CAST: variants seen among roughly 807,000 people sequenced by gnomAD.
CAST encodes the protein MIR583 host.
Under a neutral mutation model 119.6 loss-of-function variants are expected in CAST, and 76 were observed. That is an observed-to-expected ratio of 0.64 (90% confidence interval 0.53 to 0.77). The LOEUF is 0.77. Among genes scored for constraint, CAST ranks in the 30% least tolerant of loss-of-function variants. CAST has a pLI of 0.00. For synonymous variants in CAST, 319 were observed against 331.6 expected (o/e 0.96, Z 0.41); for missense variants, 953 against 946.5 (o/e 1.01, Z -0.09).
At chr5:96,227,880 G>C in the CAST span, among the ~76,000 whole-genome samples, 1 of 152,034 alleles carries the variant, frequency 6.6e-6, no homozygotes, top group Non-Finnish European at 1.5e-5. Context: ...CTAAGTTTTG[G>C]CCAACAATGT....
intron 1 of CAST, among the ~76,000 whole-genome samples, chr5:96,649,988 C>T (rs975122382): frequency 1.3e-5 from 2 of 152,158 alleles, no homozygotes; most frequent in African/African-American, 2.4e-5. Context: ...TTATAGCAAC[C>T]TCATAAGTTA....
the CAST span, among the ~76,000 whole-genome samples, chr5:96,095,410 GA>G: frequency 1.5e-3 from 218 of 146,370 alleles, no homozygotes; most frequent in Non-Finnish European, 1.2e-3. Flanking sequence ...GTTTCTATAA[GA>G]AAAAAAAAAC....
chr5:96,123,994 G>A, the CAST span, among the ~76,000 whole-genome samples: 1 of 152,030 alleles, frequency 6.6e-6, no homozygotes, highest in South Asian at 2.1e-4. Context: ...AATTTTTGCA[G>A]TTGGTTCTGT....
In CAST at chr5:96,689,789, G is replaced by A. The variant is rs534001204; in HGVS notation, c.139-6047G>A. Among the ~76,000 whole-genome samples the A allele has an allele frequency of 5.9e-5, 9 of 152,282 alleles. No homozygotes were observed. In the East Asian group the frequency reaches 1.7e-3, roughly 29 times the overall value. On this transcript the variant is annotated intron_variant, in intron 2 of 31. Transcript: ENST00000675179. ...CTTATATTATGAAGTCTACCTTATA[G>A]ATGGAGGCCAACTCCATAGACTTTC...
the CAST span, among the ~76,000 whole-genome samples, chr5:96,045,445 T>A: frequency 6.6e-6 from 1 of 152,084 alleles, no homozygotes; most frequent in Non-Finnish European, 1.5e-5. Flanking sequence ...TTATACTTAA[T>A]AAACTTTTTT....
the CAST span, among the ~76,000 whole-genome samples, chr5:96,010,917 T>G: frequency 6.6e-6 from 1 of 152,202 alleles, no homozygotes. Flanking sequence ...ATTATTGGTA[T>G]ATAGAAATGT....
the CAST span, chr5:96,433,184 G>A: frequency 2.5e-6 from 2 of 791,672 alleles, no homozygotes; most frequent in Non-Finnish European, 4.3e-6. Flanking sequence ...AGAGCTAGGA[G>A]GCGCGAGAGG....
the CAST span, among the ~76,000 whole-genome samples, chr5:96,093,094 A>G: frequency 6.6e-6 from 1 of 152,182 alleles, no homozygotes; most frequent in Non-Finnish European, 1.5e-5. Flanking sequence ...CATTGAGAAA[A>G]TTCTATAGGC....
the CAST span, among the ~76,000 whole-genome samples, chr5:96,331,282 T>A: frequency 6.6e-6 from 1 of 152,184 alleles, no homozygotes; most frequent in Admixed American, 6.5e-5. Flanking sequence ...AATGTCAGAT[T>A]ACCTCCGTTA....
chr5:96,723,255 G>A (rs913955454), intron 4 of CAST, among the ~76,000 whole-genome samples: 3 of 152,094 alleles, frequency 2.0e-5, no homozygotes, highest in Non-Finnish European at 4.4e-5. Flanking sequence ...ATGAGCCACC[G>A]TGCCCGTGGC....
intron 1 of CAST, among the ~76,000 whole-genome samples, chr5:96,534,743 A>AGAGAGAGAGAAAGAGAAAG (rs1554066267): frequency 1.4e-4 from 8 of 56,602 alleles, no homozygotes; most frequent in South Asian, 9.0e-4. Flanking sequence ...GAGAGAGAGA[A>AGAGAGAGAGAAAGAGAAAG]AGAAAGAAAG....
chr5:96,353,657 T>A, the CAST span, among the ~76,000 whole-genome samples: 1 of 152,224 alleles, frequency 6.6e-6, no homozygotes, highest in Non-Finnish European at 1.5e-5. Flanking sequence ...GATTTTCATC[T>A]CCTTCTGCCC....
chr5:96,495,135 A>AACC, the CAST span, among the ~76,000 whole-genome samples: 1 of 146,546 alleles, frequency 6.8e-6, no homozygotes, highest in East Asian at 2.0e-4. Flanking sequence ...AAAAAAAAAA[A>AACC]AAAAAGTGTG....
chr5:96,133,768 A>G, the CAST span, among the ~76,000 whole-genome samples: 1 of 152,192 alleles, frequency 6.6e-6, no homozygotes, highest in African/African-American at 2.4e-5. Context: ...TTACACAAAG[A>G]CTGATGTACA....
chr5:96,250,088 C>T, the CAST span, among the ~76,000 whole-genome samples: 1 of 152,154 alleles, frequency 6.6e-6, no homozygotes, highest in Non-Finnish European at 1.5e-5. Flanking sequence ...CCCTTCACTT[C>T]CCAAACATAA....
At chr5:96,341,986 C>G in the CAST span, among the ~76,000 whole-genome samples, 1 of 152,252 alleles carries the variant, frequency 6.6e-6, no homozygotes, top group East Asian at 1.9e-4. Context: ...CAACTCAAAT[C>G]CCCTAAGTTT....
At chr5:96,009,447 C>T in the CAST span, among the ~76,000 whole-genome samples, 2 of 152,118 alleles carry the variant, frequency 1.3e-5, no homozygotes, top group Admixed American at 1.3e-4. Context: ...TCCTCTGCAG[C>T]CTCACCATCA....
intron 3 of CAST, among the ~76,000 whole-genome samples, chr5:96,716,515 G>T (rs1248289637): frequency 1.3e-5 from 2 of 152,170 alleles, no homozygotes; most frequent in East Asian, 3.8e-4. Flanking sequence ...CTATGTTAAG[G>T]CTCCGGGGAT....
intron 1 of CAST, among the ~76,000 whole-genome samples, chr5:96,654,431 T>C (rs1179390672): frequency 2.6e-5 from 4 of 152,182 alleles, no homozygotes; most frequent in African/African-American, 9.7e-5. Flanking sequence ...GTGGAGTACA[T>C]AATGAAAGCA....
Sources: allele counts gnomAD v4.1 joint callset (sites outside exome capture counted in the v4.1 genomes callset), GRCh38; gene constraint gnomAD v4.1.1; transcripts MANE v1.5; gene names NCBI Gene and HGNC (gene_info 2026-07-23, HGNC 2026-07-21).